PPFIA2: variants seen among roughly 807,000 people sequenced by gnomAD.
The protein encoded by PPFIA2 is PPFI scaffold protein A2.
Under a neutral mutation model 175.5 loss-of-function variants are expected in PPFIA2, and 46 were observed. That is an observed-to-expected ratio of 0.26 (90% confidence interval 0.21 to 0.34). The LOEUF (loss-of-function observed/expected upper bound fraction) is 0.34. Among genes scored for constraint, PPFIA2 ranks in the 10% least tolerant of loss-of-function variants. The pLI, the probability that PPFIA2 is intolerant of heterozygous loss-of-function variation, is 1.00. For missense variants in PPFIA2, 1,179 were observed against 1,506.1 expected (o/e 0.78, Z 3.60); for synonymous variants, 568 against 511.4 (o/e 1.11, Z -1.49).
intron 9 of PPFIA2, among the ~76,000 whole-genome samples, chr12:81,377,720 T>A (rs1276059109): frequency 6.6e-6 from 1 of 152,140 alleles, no homozygotes; most frequent in African/African-American, 2.4e-5. Context: ...AATGATCATA[T>A]TGCTTCTTGG....
intron 3 of PPFIA2, among the ~76,000 whole-genome samples, chr12:81,719,268 T>C (rs1323128157): frequency 6.6e-6 from 1 of 151,578 alleles, no homozygotes; most frequent in East Asian, 1.9e-4. Context: ...ATACCCAATG[T>C]TTCTAATAAT....
intron 20 of PPFIA2, among the ~76,000 whole-genome samples, chr12:81,339,963 C>A (rs1368819710): frequency 1.3e-5 from 2 of 152,006 alleles, no homozygotes; most frequent in African/African-American, 4.8e-5. Context: ...GCTTTTCAAG[C>A]AGTTGGTTAA....
chr12:81,450,114 C>T (rs2052238518), intron 5 of PPFIA2, among the ~76,000 whole-genome samples: 2 of 152,230 alleles, frequency 1.3e-5, no homozygotes, highest in Non-Finnish European at 2.9e-5. Context: ...GTGCATGTGT[C>T]TTTATAGCAT....
intron 4 of PPFIA2, among the ~76,000 whole-genome samples, chr12:81,642,751 T>C (rs58256661): frequency 0.015 from 1,509 of 103,576 alleles, 543 homozygotes; most frequent in East Asian, 0.12. Flanking sequence ...GTATGTATTA[T>C]ATACATACAT....
At chr12:81,634,377 ATGTT>A (rs2063748380) in intron 4 of PPFIA2, among the ~76,000 whole-genome samples, 1 of 152,072 alleles carries the variant, frequency 6.6e-6, no homozygotes. Context: ...ATGAAAAAAA[ATGTT>A]TGAGCTGTTT....
At chr12:81,537,127 T>C (rs1005474281) in intron 4 of PPFIA2, among the ~76,000 whole-genome samples, 1 of 151,686 alleles carries the variant, frequency 6.6e-6, no homozygotes, top group Non-Finnish European at 1.5e-5. Flanking sequence ...TAATTATGTA[T>C]GTATGTTGTA....
intron 28 of PPFIA2, among the ~76,000 whole-genome samples, chr12:81,276,547 C>T (rs904336619): frequency 2.0e-5 from 3 of 151,944 alleles, no homozygotes; most frequent in South Asian, 2.1e-4. Flanking sequence ...TATTCTTTCT[C>T]GGGTATATTA....
intron 3 of PPFIA2, among the ~76,000 whole-genome samples, chr12:81,747,732 A>G (rs926238472): frequency 2.8e-5 from 4 of 144,046 alleles, no homozygotes; most frequent in African/African-American, 9.7e-5. Context: ...AGCAAGTCCA[A>G]TTATACCTAG....
chr12:81,326,420 T>C (rs1225502466), intron 21 of PPFIA2, among the ~76,000 whole-genome samples: 2 of 152,166 alleles, frequency 1.3e-5, no homozygotes, highest in African/African-American at 4.8e-5. Context: ...GGCTGACTCC[T>C]ATGTCCTTCA....
At chr12:81,348,209 A>G (rs1384704180) in intron 17 of PPFIA2, among the ~76,000 whole-genome samples, 1 of 152,182 alleles carries the variant, frequency 6.6e-6, no homozygotes, top group Non-Finnish European at 1.5e-5. Context: ...TTACATGTAA[A>G]TATCCCTCTT....
rs1419536450 is a variant in PPFIA2 at position 81,366,026 on chromosome 12, CTT to C, written c.1545+1080_1545+1081del. ...CCTTCCTTCCTTCCTTCCTTCCTTC[CTT>C]CCTTCCCTCCCTCCCTCTTCCCTTT... On this transcript the variant is annotated intron_variant, in intron 14 of 32. Coordinates refer to ENST00000549396, the MANE Select transcript of PPFIA2 (RefSeq NM_003625.5). Among the ~76,000 whole-genome samples, 124 of 117,162 alleles carry C rather than the reference CTT, an allele frequency of 1.1e-3. 2 individuals are homozygous for C. Among genetic ancestry groups the C allele is most frequent in the African/African-American group, 3.8e-3 (118 of 31,064 alleles). The allele number at this position is 117,162 out of a possible 152,430, so 76.9% of individuals were successfully genotyped here. A position where few individuals can be genotyped will look rare whatever the true frequency, so the allele number is the denominator to read the frequency against.
At chr12:81,665,398 C>T (rs1318340814) in intron 4 of PPFIA2, among the ~76,000 whole-genome samples, 1 of 151,964 alleles carries the variant, frequency 6.6e-6, no homozygotes, top group Admixed American at 6.6e-5. Flanking sequence ...ACACGTAACA[C>T]TCAGTGTTAG....
At chr12:81,591,288 G>C (rs2058647292) in intron 4 of PPFIA2, among the ~76,000 whole-genome samples, 1 of 152,160 alleles carries the variant, frequency 6.6e-6, no homozygotes, top group Non-Finnish European at 1.5e-5. Context: ...AGGTGACTTG[G>C]GTGTTGTTAA....
intron 7 of PPFIA2, among the ~76,000 whole-genome samples, chr12:81,412,461 C>T (rs148956137): frequency 3.8e-4 from 57 of 151,508 alleles, no homozygotes; most frequent in African/African-American, 1.3e-3. Flanking sequence ...TTTTCATAAA[C>T]TTTGCATCTA....
intron 21 of PPFIA2, among the ~76,000 whole-genome samples, chr12:81,335,152 A>T (rs2140154310): frequency 6.6e-6 from 1 of 152,348 alleles, no homozygotes; most frequent in Middle Eastern, 3.4e-3. Flanking sequence ...TGCAGGGTAA[A>T]GATAAGTCAA....
intron 21 of PPFIA2, among the ~76,000 whole-genome samples, chr12:81,330,421 C>T (rs759184357): frequency 3.3e-5 from 5 of 152,056 alleles, no homozygotes; most frequent in Non-Finnish European, 5.9e-5. Context: ...CCTTTCCTTC[C>T]CTGAGTATAC....
At chr12:81,307,596 C>G (rs1566046353) in intron 22 of PPFIA2, among the ~76,000 whole-genome samples, 1 of 151,500 alleles carries the variant, frequency 6.6e-6, no homozygotes, top group African/African-American at 2.4e-5. Flanking sequence ...TGTTTAAGCC[C>G]TCATCAATTG....
intron 8 of PPFIA2, among the ~76,000 whole-genome samples, chr12:81,389,768 G>A (rs2039759256): frequency 6.6e-6 from 1 of 152,134 alleles, no homozygotes; most frequent in East Asian, 1.9e-4. Flanking sequence ...TGTATTAAAA[G>A]TCAGTACTTA....
chr12:81,524,932 C>A (rs1363516223), intron 4 of PPFIA2, among the ~76,000 whole-genome samples: 1 of 152,116 alleles, frequency 6.6e-6, no homozygotes, highest in Non-Finnish European at 1.5e-5. Context: ...AAACTCCTCA[C>A]CAATTAAAGC....
Sources: allele counts gnomAD v4.1 joint callset (sites outside exome capture counted in the v4.1 genomes callset), GRCh38; gene constraint gnomAD v4.1.1; transcripts MANE v1.5; gene names NCBI Gene and HGNC (gene_info 2026-07-23, HGNC 2026-07-21).